Variants in SUN5 observed in about 807,000 individuals in gnomAD.
SUN5 encodes Sad1 and UNC84 domain containing 5.
Under a neutral mutation model 53.7 loss-of-function variants are expected in SUN5, and 44 were observed. That is an observed-to-expected ratio of 0.82 (90% CI 0.64 to 1.05). SUN5 has a LOEUF of 1.05. Among genes scored for constraint, SUN5 ranks in the 50% least tolerant of loss-of-function variants. The pLI, the probability that SUN5 is intolerant of heterozygous loss-of-function variation, is 0.00. For synonymous variants in SUN5, 166 were observed against 179.8 expected, an observed-to-expected ratio of 0.92 and a Z score of 0.62; for missense variants, 433 against 483.8, an observed-to-expected ratio of 0.90 and a Z score of 0.98.
chr20:32,992,885 T>TA (rs995583593), intron 8 of SUN5, among the ~76,000 whole-genome samples: 13 of 152,052 alleles, frequency 8.5e-5, no homozygotes, highest in African/African-American at 2.9e-4. Context: ...CAGAATAAAG[T>TA]AAAAAAGACA....
chr20:32,986,828 G>C (rs1989555719), intron 10 of SUN5, among the ~76,000 whole-genome samples: 1 of 152,104 alleles, frequency 6.6e-6, no homozygotes, highest in African/African-American at 2.4e-5. Flanking sequence ...GCCTGGATGT[G>C]TGCACCACCC....
At chr20:33,004,025 G>A (rs966692161) in intron 1 of SUN5, among the ~76,000 whole-genome samples, 8 of 152,312 alleles carry the variant, frequency 5.3e-5, no homozygotes, top group South Asian at 2.1e-4. Context: ...CGTGTTCCCC[G>A]TCCTCTGTGC....
intron 8 of SUN5, 150 bp from the exon 9 acceptor site, chr20:32,989,848 G>A (rs1224425102): frequency 2.9e-6 from 2 of 689,564 alleles, no homozygotes; most frequent in African/African-American, 3.5e-5. Flanking sequence ...CTCTGTGAAA[G>A]CCCAGGTGAC....
chr20:32,985,785 A>G lies in SUN5; in HGVS notation c.848T>C (p.Ile283Thr). The change falls in exon 11 of 13, where the codon ATC becomes ACC. Residue 283 changes from isoleucine (I) to threonine (T), a missense_variant. Coordinates refer to ENST00000356173, the MANE Select transcript of SUN5 (RefSeq NM_080675.4). ...NLTLQHIPKTISLSGSLDTAP... is the reference protein window; with the variant it reads ...NLTLQHIPKTTSLSGSLDTAP... The stretch of plus-strand genomic sequence containing the variant: ...GGTGTCCAGGCTGCCTGACAATGAG[A>G]TGGTCTTGGGGATGTGCTGCAGCGT... 1.2e-6 allele frequency: 2 copies of G among 1,614,058 alleles called. No individual in the cohort carries two copies. The highest frequency in any genetic ancestry group is 1.7e-6 in the Non-Finnish European group (2 of 1,179,980).
intron 8 of SUN5, among the ~76,000 whole-genome samples, chr20:32,994,794 G>GAGGCCGAGT (rs3046321): frequency 6.6e-6 from 1 of 151,980 alleles, no homozygotes; most frequent in East Asian, 1.9e-4. Context: ...AGCTACTCAG[G>GAGGCCGAGT]TGTAGGATGC....
At chr20:33,003,860 A>C (rs770439378) in intron 1 of SUN5, among the ~76,000 whole-genome samples, 1 of 152,156 alleles carries the variant, frequency 6.6e-6, no homozygotes, top group African/African-American at 2.4e-5. Flanking sequence ...GCCCAGAGAT[A>C]GGCATCATTT....
At chr20:32,999,276 C>G (rs528653281) in intron 5 of SUN5, among the ~76,000 whole-genome samples, 38 of 152,224 alleles carry the variant, frequency 2.5e-4, no homozygotes, top group Admixed American at 9.8e-4. Flanking sequence ...AATTAAGAAA[C>G]CCATTTCTAA....
chr20:32,984,077 A>G, intron 12 of SUN5, 128 bp from the exon 13 acceptor site: 1 of 1,242,730 alleles, frequency 8.0e-7, no homozygotes, highest in Non-Finnish European at 1.1e-6. Context: ...AGGAGGATGG[A>G]CTGTCCCAAG....
At chr20:33,003,858 A>G (rs1990118316) in intron 1 of SUN5, among the ~76,000 whole-genome samples, 1 of 152,164 alleles carries the variant, frequency 6.6e-6, no homozygotes, top group African/African-American at 2.4e-5. Context: ...GTGCCCAGAG[A>G]TAGGCATCAT....
chr20:32,993,948 A>G (rs1223464313), intron 8 of SUN5, among the ~76,000 whole-genome samples: 11 of 152,346 alleles, frequency 7.2e-5, no homozygotes, highest in African/African-American at 2.6e-4. Flanking sequence ...ACCTGGGGGC[A>G]CTAAATCAAT....
intron 10 of SUN5, among the ~76,000 whole-genome samples, chr20:32,986,113 C>T (rs978570517): frequency 6.6e-5 from 10 of 152,208 alleles, no homozygotes; most frequent in Admixed American, 5.2e-4. Context: ...AGGGAGGGGC[C>T]TGCTTGGGAC....
At position 33,000,153 on chromosome 20, in the gene SUN5, G is replaced by C; in HGVS notation, c.279-18C>G. 4 of 1,594,836 alleles carry C rather than the reference G, an allele frequency of 2.5e-6. No homozygotes were observed. Among genetic ancestry groups the C allele is most frequent in the Non-Finnish European group, 3.4e-6 (4 of 1,172,120 alleles). Reference sequence around the variant, plus strand: ...GCTTGCATCTGGAAGGCAGGGAGTGGTGGTCAAGATCAGGTGGGCAAGGCC... The same window carrying C: ...GCTTGCATCTGGAAGGCAGGGAGTGCTGGTCAAGATCAGGTGGGCAAGGCC... On this transcript the variant is annotated intron_variant, in intron 4 of 12. Transcript: ENST00000356173.
chr20:32,999,946 G>T (rs414191), intron 5 of SUN5, 128 bp downstream of exon 5: 1 of 1,552,778 alleles, frequency 6.4e-7, no homozygotes, highest in Non-Finnish European at 8.7e-7. Context: ...AATTCTCACA[G>T]CAACACCCAT....
intron 3 of SUN5, among the ~76,000 whole-genome samples, chr20:33,001,669 T>C (rs144244462): frequency 0.03 from 1,857 of 61,522 alleles, 66 homozygotes; most frequent in East Asian, 0.12. Flanking sequence ...CTCCCTCCCT[T>C]CCTTCCTTCT....
chr20:33,001,737 C>T (rs921931534), intron 3 of SUN5, among the ~76,000 whole-genome samples: 3 of 135,922 alleles, frequency 2.2e-5, no homozygotes, highest in East Asian at 2.4e-4. Context: ...GGCATGACCT[C>T]GGCTCACTGC....
At position 32,996,141 on chromosome 20, in the gene SUN5, G is replaced by T. The variant is rs1036354272; in HGVS notation, c.425+183C>A. On this transcript the variant is annotated intron_variant, in intron 7 of 12. Coordinates refer to ENST00000356173, the MANE Select transcript of SUN5 (RefSeq NM_080675.4). ...TTATGCTTCATCTCATAAATGAGGAGTCAAAGGCCCAGAGAGAATAGGTGA... is the reference window on the plus strand; with the variant it reads ...TTATGCTTCATCTCATAAATGAGGATTCAAAGGCCCAGAGAGAATAGGTGA... Among the ~76,000 whole-genome samples, 10 of 152,290 alleles carry T rather than the reference G, an allele frequency of 6.6e-5. 1 individual carries two copies. Among genetic ancestry groups the T allele is most frequent in the Admixed American group, 6.5e-4 (10 of 15,304 alleles).
chr20:33,003,481 A>G lies in SUN5; in HGVS notation c.78-562T>C, dbSNP rs76730322. Among the ~76,000 whole-genome samples, 248 of 152,304 alleles carry G rather than the reference A, an allele frequency of 1.6e-3. 1 individual carries two copies. The highest frequency in any genetic ancestry group is 5.8e-3 in the African/African-American group (241 of 41,556). On this transcript the variant is annotated intron_variant, in intron 1 of 12. Transcript: ENST00000356173. Reference sequence around the variant, plus strand: ...CCATGAGAGGGGGCTAAAAGAGCAGAATGATGACAGGAACCTGGGTCTTGG... The same window carrying G: ...CCATGAGAGGGGGCTAAAAGAGCAGGATGATGACAGGAACCTGGGTCTTGG...
chr20:32,993,669 CACA>C (rs1989763595), intron 8 of SUN5, among the ~76,000 whole-genome samples: 1 of 152,206 alleles, frequency 6.6e-6, no homozygotes, highest in Non-Finnish European at 1.5e-5. Context: ...CACCGCAAAA[CACA>C]ACAAGCAAGA....
chr20:32,990,037 C>T (rs6088058), intron 8 of SUN5, among the ~76,000 whole-genome samples: 52,112 of 151,756 alleles, frequency 0.34, 9,588 homozygotes, highest in East Asian at 0.79. Context: ...TCGATATTCT[C>T]ACCTGTAAGA....
Sources: allele counts gnomAD v4.1 joint callset (sites outside exome capture counted in the v4.1 genomes callset), GRCh38; gene constraint gnomAD v4.1.1; transcripts MANE v1.5; gene names NCBI Gene and HGNC (gene_info 2026-07-23, HGNC 2026-07-21).